The following BMAL1 variants were observed in gnomAD, a reference collection of about 807,000 sequenced individuals.
The protein encoded by BMAL1 is basic helix-loop-helix ARNT like 1.
At chr11:13,366,282 A>G in the BMAL1 span, among the ~76,000 whole-genome samples, 1 of 152,228 alleles carries the variant, frequency 6.6e-6, no homozygotes, top group African/African-American at 2.4e-5. Flanking sequence ...ATCTCTGTTA[A>G]TAGACAAGGT....
the BMAL1 span, among the ~76,000 whole-genome samples, chr11:13,345,268 G>C: frequency 1.3e-5 from 2 of 152,196 alleles, no homozygotes; most frequent in Non-Finnish European, 2.9e-5. Flanking sequence ...TACAACACTT[G>C]TTTACCCCAA....
chr11:13,369,189 C>G, the BMAL1 span, among the ~76,000 whole-genome samples: 3 of 152,208 alleles, frequency 2.0e-5, no homozygotes, highest in African/African-American at 7.2e-5. Context: ...ATATCCATAT[C>G]CTACCCATCC....
At chr11:13,376,920 A>G in the BMAL1 span, 1 of 587,402 alleles carries the variant, frequency 1.7e-6, no homozygotes, top group Non-Finnish European at 3.0e-6. Flanking sequence ...TTGAGCCGGA[A>G]TACTAGGAGC....
At chr11:13,372,495 C>A in the BMAL1 span, 3 of 1,546,412 alleles carry the variant, frequency 1.9e-6, no homozygotes, top group Non-Finnish European at 2.6e-6. Flanking sequence ...GGGCCATCAG[C>A]TGGCTTTTCT....
chr11:13,326,825 G>GTT, the BMAL1 span, among the ~76,000 whole-genome samples: 1 of 150,018 alleles, frequency 6.7e-6, no homozygotes. Context: ...GTTTTGTTTT[G>GTT]TTTTGTTTTT....
At chr11:13,280,583 A>C in the BMAL1 span, among the ~76,000 whole-genome samples, 1 of 152,232 alleles carries the variant, frequency 6.6e-6, no homozygotes, top group African/African-American at 2.4e-5. Flanking sequence ...AGGAAGCATC[A>C]TGATAACTAA....
the BMAL1 span, among the ~76,000 whole-genome samples, chr11:13,291,280 A>G: frequency 6.6e-6 from 1 of 152,220 alleles, no homozygotes; most frequent in Non-Finnish European, 1.5e-5. Flanking sequence ...CATCATCACA[A>G]CCCTATGAGG....
chr11:13,295,859 C>T, the BMAL1 span, among the ~76,000 whole-genome samples: 1 of 152,136 alleles, frequency 6.6e-6, no homozygotes, highest in African/African-American at 2.4e-5. Flanking sequence ...CTGGTGTTTT[C>T]AGGGAACAAT....
chr11:13,324,887 A>C, the BMAL1 span, among the ~76,000 whole-genome samples: 1 of 152,186 alleles, frequency 6.6e-6, no homozygotes, highest in Admixed American at 6.5e-5. Context: ...CGTGGTCAGC[A>C]CTTTTATTTT....
At chr11:13,312,489 G>A in the BMAL1 span, among the ~76,000 whole-genome samples, 1 of 152,208 alleles carries the variant, frequency 6.6e-6, no homozygotes, top group South Asian at 2.1e-4. Context: ...AAGTCTGGAA[G>A]AGACTAAGGC....
the BMAL1 span, among the ~76,000 whole-genome samples, chr11:13,333,823 C>G: frequency 1.3e-5 from 2 of 152,210 alleles, no homozygotes; most frequent in Non-Finnish European, 2.9e-5. Context: ...TGTGGCAACA[C>G]AGAACAAAGG....
At chr11:13,360,434 A>G in the BMAL1 span, 7 of 1,606,822 alleles carry the variant, frequency 4.4e-6, no homozygotes, top group South Asian at 5.5e-5. Context: ...GGTATGTTCA[A>G]TTATGGGATT....
chr11:13,338,288 G>A, the BMAL1 span, among the ~76,000 whole-genome samples: 1 of 152,066 alleles, frequency 6.6e-6, no homozygotes, highest in Non-Finnish European at 1.5e-5. Context: ...TTATTTCTGG[G>A]GTCAGGCAGG....
the BMAL1 span, chr11:13,372,245 C>T: frequency 6.2e-7 from 1 of 1,614,234 alleles, no homozygotes; most frequent in Non-Finnish European, 8.5e-7. Context: ...TGGATGAAGA[C>T]AACGAACCAG....
At chr11:13,337,327 T>C in the BMAL1 span, among the ~76,000 whole-genome samples, 1 of 152,184 alleles carries the variant, frequency 6.6e-6, no homozygotes, top group African/African-American at 2.4e-5. Context: ...ATATTGTGTA[T>C]ATACGTTTGT....
chr11:13,381,597 GA>G, the BMAL1 span, among the ~76,000 whole-genome samples: 1 of 152,160 alleles, frequency 6.6e-6, no homozygotes, highest in Admixed American at 6.5e-5. Context: ...TTTCTGCCAG[GA>G]ATTTTCAAGG....
the BMAL1 span, among the ~76,000 whole-genome samples, chr11:13,284,727 G>C: frequency 6.6e-6 from 1 of 152,092 alleles, no homozygotes; most frequent in African/African-American, 2.4e-5. Flanking sequence ...GACCACCCAG[G>C]TCATCTTTTG....
At chr11:13,381,984 A>G in the BMAL1 span, among the ~76,000 whole-genome samples, 2 of 152,250 alleles carry the variant, frequency 1.3e-5, no homozygotes, top group African/African-American at 4.8e-5. Flanking sequence ...CCTAAAACAG[A>G]GAGAGAGAAT....
the BMAL1 span, among the ~76,000 whole-genome samples, chr11:13,298,647 A>G: frequency 6.6e-6 from 1 of 152,208 alleles, no homozygotes. Flanking sequence ...TCAGTGATGC[A>G]TGAGTGAATG....
Sources: allele counts gnomAD v4.1 joint callset (sites outside exome capture counted in the v4.1 genomes callset), GRCh38; gene constraint gnomAD v4.1.1; transcripts MANE v1.5; gene names NCBI Gene and HGNC (gene_info 2026-07-23, HGNC 2026-07-21).